The following LMX1A variants were observed in gnomAD, a reference collection of about 807,000 sequenced individuals.
LMX1A encodes the protein LIM homeobox transcription factor 1-alpha.
Under a neutral mutation model 49.1 loss-of-function variants are expected in LMX1A, and 15 were observed. The ratio of observed to expected loss-of-function variants is 0.31; its 90% CI spans 0.20 to 0.47. LMX1A has a LOEUF of 0.47. Among genes scored for constraint, LMX1A ranks in the 20% least tolerant of loss-of-function variants. The probability of loss-of-function intolerance (pLI) is 1.00; values close to 1 mark genes in which losing one functional copy is unlikely to be tolerated. For missense variants in LMX1A, 372 were observed against 475.8 expected (o/e 0.78, Z 2.03); for synonymous variants, 167 against 185.7 (o/e 0.90, Z 0.82).
intron 3 of LMX1A, among the ~76,000 whole-genome samples, chr1:165,304,860 C>T (rs1410640960): frequency 6.6e-6 from 1 of 152,200 alleles, no homozygotes; most frequent in Non-Finnish European, 1.5e-5. Flanking sequence ...TTCCCCTCTC[C>T]TCGTCTGCCA....
At chr1:165,208,683 G>T (rs938273008) in intron 6 of LMX1A, among the ~76,000 whole-genome samples, 14 of 152,008 alleles carry the variant, frequency 9.2e-5, no homozygotes, top group Non-Finnish European at 1.6e-4. Context: ...CTGTCACCCA[G>T]GCTGGAGTGC....
At position 165,308,055 on chromosome 1, in the gene LMX1A, AAAG is replaced by A. The variant is rs543579552; in HGVS notation, c.263+45018_263+45020del. ...CTTGCTTGACAACATAAGAAGAAAA[AAAG>A]AAGGGAAGGAATCACACATTAAATA... is the stretch of plus-strand genomic sequence containing the variant. On this transcript the variant is annotated intron_variant, in intron 3 of 8. Transcript: ENST00000342310. 1.7e-3 allele frequency among the ~76,000 whole-genome samples: 255 copies of A among 152,312 alleles called. 2 individuals carry two copies. Among genetic ancestry groups the A allele is most frequent in the African/African-American group, 5.6e-3 (234 of 41,568 alleles).
At chr1:165,295,207 GC>G (rs1238322276) in intron 3 of LMX1A, among the ~76,000 whole-genome samples, 1 of 151,598 alleles carries the variant, frequency 6.6e-6, no homozygotes, top group Admixed American at 6.6e-5. Flanking sequence ...AAATGAAGAA[GC>G]AGATTATAAA....
At chr1:165,279,187 A>G (rs1381463413) in intron 3 of LMX1A, among the ~76,000 whole-genome samples, 1 of 152,226 alleles carries the variant, frequency 6.6e-6, no homozygotes, top group African/African-American at 2.4e-5. Flanking sequence ...AACCTGTCCA[A>G]TGAAGGCTGA....
chr1:165,337,907 T>TGTGTGTGTGTGTGTGTGTGTG (rs1553213782), intron 3 of LMX1A, among the ~76,000 whole-genome samples: 22 of 151,606 alleles, frequency 1.5e-4, no homozygotes, highest in Non-Finnish European at 2.8e-4. Flanking sequence ...TGTGTGTGTG[T>TGTGTGTGTGTGTGTGTGTGTG]TACTACCCCA....
chr1:165,346,208 T>C (rs1476342163), intron 3 of LMX1A, among the ~76,000 whole-genome samples: 2 of 152,188 alleles, frequency 1.3e-5, no homozygotes, highest in East Asian at 3.8e-4. Flanking sequence ...CACTCTATTA[T>C]ACAACAACAG....
intron 3 of LMX1A, among the ~76,000 whole-genome samples, chr1:165,345,925 T>C (rs148422143): frequency 5.3e-4 from 81 of 152,208 alleles, no homozygotes; most frequent in African/African-American, 1.8e-3. Context: ...ACAAAAATGG[T>C]CTGGGCAAAA....
intron 3 of LMX1A, among the ~76,000 whole-genome samples, chr1:165,258,743 T>C (rs1488174799): frequency 1.3e-5 from 2 of 152,200 alleles, no homozygotes; most frequent in African/African-American, 2.4e-5. Context: ...GGTTTCTACC[T>C]TGAAATGGTA....
intron 3 of LMX1A, among the ~76,000 whole-genome samples, chr1:165,321,554 A>G (rs2101744338): frequency 6.6e-6 from 1 of 152,334 alleles, no homozygotes; most frequent in South Asian, 2.1e-4. Context: ...TACTGCCATC[A>G]AATAATTTCT....
intron 6 of LMX1A, among the ~76,000 whole-genome samples, chr1:165,210,180 G>A (rs1420536747): frequency 6.6e-6 from 1 of 152,204 alleles, no homozygotes; most frequent in African/African-American, 2.4e-5. Context: ...GTAGATGAAT[G>A]AGCAAAAGGT....
At chr1:165,344,984 C>A (rs918883926) in intron 3 of LMX1A, among the ~76,000 whole-genome samples, 2 of 152,178 alleles carry the variant, frequency 1.3e-5, no homozygotes, top group African/African-American at 4.8e-5. Flanking sequence ...CATATTCGGA[C>A]CCTCCTGCAG....
intron 4 of LMX1A, among the ~76,000 whole-genome samples, chr1:165,230,970 C>T (rs887774090): frequency 6.6e-6 from 1 of 152,218 alleles, no homozygotes; most frequent in African/African-American, 2.4e-5. Flanking sequence ...ATGCACTCAA[C>T]TCAGAGGGTG....
chr1:165,296,406 A>C (rs868819091), intron 3 of LMX1A, among the ~76,000 whole-genome samples: 4 of 152,278 alleles, frequency 2.6e-5, no homozygotes, highest in South Asian at 2.1e-4. Context: ...CCCACAGGGC[A>C]CACTACAGTG....
chr1:165,276,614 C>G (rs1297149248), intron 3 of LMX1A, among the ~76,000 whole-genome samples: 1 of 150,824 alleles, frequency 6.6e-6, no homozygotes, highest in South Asian at 2.1e-4. Context: ...ACTAAAGTCA[C>G]GTTAGACAGT....
intron 4 of LMX1A, among the ~76,000 whole-genome samples, chr1:165,225,396 A>C (rs1651997200): frequency 6.6e-6 from 1 of 152,212 alleles, no homozygotes; most frequent in South Asian, 2.1e-4. Context: ...GAAATTATTT[A>C]TGGTTATTTC....
At chr1:165,249,005 C>G (rs1198637842) in intron 4 of LMX1A, among the ~76,000 whole-genome samples, 1 of 152,148 alleles carries the variant, frequency 6.6e-6, no homozygotes, top group Non-Finnish European at 1.5e-5. Flanking sequence ...CTGCTGTTCC[C>G]CAAACCTGGA....
intron 3 of LMX1A, among the ~76,000 whole-genome samples, chr1:165,300,414 C>G (rs1654746223): frequency 6.6e-6 from 1 of 152,176 alleles, no homozygotes; most frequent in East Asian, 1.9e-4. Flanking sequence ...CTAACCCATC[C>G]TTCTTCCCAT....
chr1:165,339,072 A>C (rs1054569914), intron 3 of LMX1A, among the ~76,000 whole-genome samples: 2 of 152,234 alleles, frequency 1.3e-5, no homozygotes, highest in African/African-American at 2.4e-5. Flanking sequence ...AAAGAGGTTA[A>C]ATGATTTGCC....
intron 3 of LMX1A, among the ~76,000 whole-genome samples, chr1:165,342,327 G>A (rs969668277): frequency 2.6e-5 from 4 of 152,186 alleles, no homozygotes; most frequent in Non-Finnish European, 4.4e-5. Flanking sequence ...GGAATGGATG[G>A]ACAGCTGCTG....
Sources: gnomAD v4.1 joint callset for allele counts (sites outside exome capture counted in the v4.1 genomes callset) on GRCh38, gnomAD v4.1.1 for gene constraint, MANE v1.5 for transcripts, NCBI Gene and HGNC (gene_info 2026-07-23, HGNC 2026-07-21) for gene names.